NSFL1C: variants seen among roughly 807,000 people sequenced by gnomAD.
NSFL1C encodes the protein NSFL1 cofactor p47.
NSFL1C carries 14 observed loss-of-function variants against 43.1 expected under a neutral mutation model. The ratio of observed to expected loss-of-function variants is 0.32; its 90% CI spans 0.21 to 0.51. The LOEUF (loss-of-function observed/expected upper bound fraction) is 0.51, where lower values mean the gene tolerates loss of function less well. NSFL1C is among the 20% of genes least tolerant of loss of function. The pLI is 0.98. For missense variants in NSFL1C, 406 were observed against 472.5 expected (o/e 0.86, Z 1.30); for synonymous variants, 171 against 183.5 (o/e 0.93, Z 0.55).
intron 3 of NSFL1C, chr20:1,456,603 G>A (rs548613774): frequency 6.6e-6 from 1 of 152,276 alleles, no homozygotes; most frequent in East Asian, 1.9e-4. Context: ...AAATGAGGCT[G>A]GCGTTCATTC....
chr20:1,445,553 GC>G lies in NSFL1C; in HGVS notation c.950+112del, dbSNP rs2090039853. The G allele has an allele frequency of 6.4e-6, 8 of 1,241,844 alleles. No individual in the cohort carries two copies. The East Asian group carries it at 1.9e-4, about 29-fold the overall frequency. 76.9% of individuals were successfully genotyped at this position (1,241,844 alleles called of 1,614,324 possible). On this transcript the variant is annotated intron_variant, in intron 8 of 8. Transcript: ENST00000216879. ...CACCCTCGTGTCTGCTTTGGGGAAA[GC>G]ATGGAGTGCCTGCTGGTATTTAGGA... is the stretch of plus-strand genomic sequence containing the variant.
intron 7 of NSFL1C, among the ~76,000 whole-genome samples, chr20:1,450,203 A>C (rs976388645): frequency 2.0e-5 from 3 of 152,238 alleles, no homozygotes; most frequent in African/African-American, 7.2e-5. Context: ...GAAAAGTTCA[A>C]GACTTTTGGC....
At chr20:1,458,161 CCTGTGAACTGTCCCCCT>C in intron 3 of NSFL1C, 22 bp downstream of exon 3, 3 of 1,517,026 alleles carry the variant, frequency 2.0e-6, no homozygotes, top group Non-Finnish European at 1.8e-6. Context: ...CCTGGACTTC[CCTGTGAACTGTCCCCCT>C]GACCCCCTCT....
At chr20:1,446,191 T>C (rs565092632) in intron 7 of NSFL1C, 33 of 363,174 alleles carry the variant, frequency 9.1e-5, no homozygotes, top group South Asian at 4.0e-4. Flanking sequence ...GAAGACATAA[T>C]AGAACAGGGT....
chr20:1,447,452 T>C (rs538509470), intron 7 of NSFL1C, among the ~76,000 whole-genome samples: 4 of 152,066 alleles, frequency 2.6e-5, no homozygotes, highest in African/African-American at 9.6e-5. Flanking sequence ...CTTTTTGTTG[T>C]TGTTAGCTCA....
chr20:1,455,211 C>A, intron 3 of NSFL1C, 79 bp from the exon 4 acceptor site: 2 of 1,499,556 alleles, frequency 1.3e-6, no homozygotes, highest in Non-Finnish European at 1.9e-6. Flanking sequence ...GTGCTGGGCA[C>A]ACTGAGGCAA....
chr20:1,464,317 G>T lies in NSFL1C; in HGVS notation c.203+12C>A. The T allele has an allele frequency of 6.2e-7, 1 of 1,611,016 alleles. No individual in the cohort carries two copies. Among genetic ancestry groups the T allele is most frequent in the South Asian group, 1.1e-5 (1 of 91,004 alleles). On this transcript the variant is annotated intron_variant, in intron 2 of 8. Transcript: ENST00000216879. ...AAACACTCATGTAGCGATAATTGAA[G>T]CTGGCCCTTACCTGGGGGCTGTGCC...
intron 7 of NSFL1C, among the ~76,000 whole-genome samples, chr20:1,446,887 CA>C (rs34427678): frequency 6.6e-6 from 1 of 151,860 alleles, no homozygotes; most frequent in Non-Finnish European, 1.5e-5. Flanking sequence ...TTCACAGCCC[CA>C]AAAATGGTAC....
At chr20:1,458,137 G>A in intron 3 of NSFL1C, 63 bp downstream of exon 3, 1 of 1,278,368 alleles carries the variant, frequency 7.8e-7, no homozygotes, top group Non-Finnish European at 1.1e-6. Flanking sequence ...TGTTCTAGGT[G>A]ATTTACACAT....
chr20:1,454,084 G>A, intron 5 of NSFL1C, 129 bp downstream of exon 5: 1 of 715,626 alleles, frequency 1.4e-6, no homozygotes, highest in South Asian at 1.7e-5. Flanking sequence ...GTGAACCACA[G>A]CAAGGGCACT....
chr20:1,464,746 G>A (rs1378353994), intron 1 of NSFL1C, among the ~76,000 whole-genome samples: 1 of 152,174 alleles, frequency 6.6e-6, no homozygotes, highest in Non-Finnish European at 1.5e-5. Context: ...AGGTTGTTCT[G>A]AGCATTCTAC....
chr20:1,465,576 T>C (rs1029374759), intron 1 of NSFL1C, among the ~76,000 whole-genome samples: 6 of 152,244 alleles, frequency 3.9e-5, no homozygotes, highest in African/African-American at 1.4e-4. Context: ...TTCTTATGTT[T>C]GGGGAGTAAT....
At chr20:1,452,075 C>T (rs1007674346) in intron 7 of NSFL1C, among the ~76,000 whole-genome samples, 2 of 152,156 alleles carry the variant, frequency 1.3e-5, no homozygotes, top group African/African-American at 4.8e-5. Context: ...AGCCTTAAGC[C>T]ATCAAGGAGA....
At chr20:1,460,290 G>C (rs2090384593) in intron 2 of NSFL1C, among the ~76,000 whole-genome samples, 1 of 152,114 alleles carries the variant, frequency 6.6e-6, no homozygotes, top group South Asian at 2.1e-4. Context: ...GCATTACAGT[G>C]AACCTGTCAG....
intron 2 of NSFL1C, among the ~76,000 whole-genome samples, chr20:1,459,064 A>G (rs1266707771): frequency 1.3e-5 from 2 of 152,232 alleles, no homozygotes; most frequent in East Asian, 1.9e-4. Context: ...TTCAAGGATC[A>G]TAAGACAAGT....
rs1568612518 is a variant in NSFL1C, at chr20:1,445,736, G to C, written c.880C>G (p.Pro294Ala). The change falls in exon 8 of 9, where the codon CCT becomes GCT. Residue 294 changes from proline (P) to alanine (A), a missense_variant. Physicochemically the swap from Pro to Ala is conservative, Grantham distance 27. Transcript: ENST00000216879. ...AGCCGAATTTGGATGTTTGTGGTAG[G>C]CTCTGATTCGTCGATTAAGATGGAA... is the stretch of plus-strand genomic sequence containing the variant. ...SSSILIDESE[P>A]TTNIQIRLAD... is the part of the protein sequence containing the mutation. 6.2e-7 allele frequency: 1 copy of C among 1,614,054 alleles called. No homozygotes were observed. The highest frequency in any genetic ancestry group is 2.2e-5 in the East Asian group (1 of 44,872).
intron 3 of NSFL1C, 163 bp from the exon 4 acceptor site, chr20:1,455,295 G>T: frequency 2.5e-6 from 2 of 801,944 alleles, no homozygotes; most frequent in African/African-American, 1.7e-5. Context: ...CAGGTAAAAT[G>T]CAGTGTGAGC....
At chr20:1,457,502 T>A (rs1299497296) in intron 3 of NSFL1C, among the ~76,000 whole-genome samples, 1 of 152,190 alleles carries the variant, frequency 6.6e-6, no homozygotes, top group Non-Finnish European at 1.5e-5. Flanking sequence ...TTAACTATAT[T>A]CATCATGCTG....
chr20:1,444,186 T>C lies in NSFL1C; in HGVS notation c.951-275A>G, dbSNP rs1200423344. ...CCCCTCGTTCTCTTCTGCCCGCTTC[T>C]AGTTCATCAGGCCATACTCTCTTCC... On this transcript the variant is annotated intron_variant, in intron 8 of 8. Transcript: ENST00000216879. Among the ~76,000 whole-genome samples the C allele has an allele frequency of 5.3e-5, 8 of 152,228 alleles. No homozygotes were observed. In the East Asian group the frequency reaches 1.5e-3, roughly 29 times the overall value.
Sources: allele counts gnomAD v4.1 joint callset (sites outside exome capture counted in the v4.1 genomes callset), GRCh38; gene constraint gnomAD v4.1.1; transcripts MANE v1.5; gene names NCBI Gene and HGNC (gene_info 2026-07-23, HGNC 2026-07-21).